Variants in CELF4 observed in about 807,000 individuals in gnomAD.
CELF4 encodes the protein CUGBP Elav-like family member 4.
A neutral mutation model predicts 59.9 loss-of-function variants in CELF4; 18 were observed. The observed-to-expected ratio is 0.30, with a 90% CI of 0.21 to 0.45. The LOEUF is 0.45. Among genes scored for constraint, CELF4 ranks in the 20% least tolerant of loss-of-function variants. CELF4 has a pLI of 1.00. For missense variants in CELF4, 456 were observed against 689.0 expected, an observed-to-expected ratio of 0.66 and a Z score of 3.79; for synonymous variants, 261 against 267.1, an observed-to-expected ratio of 0.98 and a Z score of 0.22.
chr18:37,458,209 C>A (rs985510464), intron 2 of CELF4, among the ~76,000 whole-genome samples: 5 of 152,188 alleles, frequency 3.3e-5, no homozygotes, highest in African/African-American at 1.2e-4. Context: ...GTCTCTGGAG[C>A]TCTTTTTCCC....
intron 2 of CELF4, among the ~76,000 whole-genome samples, chr18:37,434,795 C>A (rs1436232032): frequency 6.6e-6 from 1 of 152,128 alleles, no homozygotes; most frequent in East Asian, 1.9e-4. Context: ...CTGGTCTCCT[C>A]GCCAACTCCC....
chr18:37,509,463 C>T (rs909667562), intron 1 of CELF4, among the ~76,000 whole-genome samples: 5 of 152,146 alleles, frequency 3.3e-5, no homozygotes, highest in South Asian at 4.1e-4. Context: ...GCTTTGTCAT[C>T]GGTAATGAGA....
chr18:37,394,895 G>A (rs2099221788), intron 2 of CELF4, among the ~76,000 whole-genome samples: 1 of 151,670 alleles, frequency 6.6e-6, no homozygotes. Context: ...TCCCTGGCAG[G>A]CCTGTCTGGT....
At chr18:37,321,475 G>A (rs1390464423) in intron 3 of CELF4, among the ~76,000 whole-genome samples, 5 of 152,238 alleles carry the variant, frequency 3.3e-5, no homozygotes, top group African/African-American at 9.6e-5. Flanking sequence ...GCCCCATCAC[G>A]GTGGGGTTTT....
chr18:37,375,822 A>G (rs1410533382), intron 2 of CELF4, among the ~76,000 whole-genome samples: 1 of 151,906 alleles, frequency 6.6e-6, no homozygotes, highest in Non-Finnish European at 1.5e-5. Context: ...CCAAGCATCT[A>G]CTTCTAATGA....
At chr18:37,343,464 C>A (rs989436238) in intron 2 of CELF4, among the ~76,000 whole-genome samples, 1 of 151,756 alleles carries the variant, frequency 6.6e-6, no homozygotes, top group African/African-American at 2.4e-5. Context: ...CGCAGAGCTG[C>A]ATACAGCCAC....
In CELF4 at chr18:37,356,196, C is replaced by A. The variant is rs1359461534; in HGVS notation, c.370-34315G>T. On this transcript the variant is annotated intron_variant, in intron 2 of 12. Coordinates refer to ENST00000420428, the MANE Select transcript of CELF4 (RefSeq NM_020180.4). ...CAGAACCACCATGGGGCCATCAAAG[C>A]CACTTAGTTGAGTTTTTGCTTTTTA... Among the ~76,000 whole-genome samples, 3 of 152,202 alleles carry A rather than the reference C, an allele frequency of 2.0e-5. No individual in the cohort carries two copies. The East Asian group carries it at 5.8e-4, about 29-fold the overall frequency.
chr18:37,451,083 G>A (rs2099762250), intron 2 of CELF4, among the ~76,000 whole-genome samples: 1 of 152,218 alleles, frequency 6.6e-6, no homozygotes, highest in Non-Finnish European at 1.5e-5. Context: ...GTAGAGGGAA[G>A]GGCTGCAGAG....
rs115699252 is a variant in CELF4, at chr18:37,324,435, G to T, written c.370-2554C>A. Among the ~76,000 whole-genome samples, 1,102 of 152,282 alleles carry T rather than the reference G, an allele frequency of 7.2e-3. 19 individuals are homozygous for T. The highest frequency in any genetic ancestry group is 0.025 in the African/African-American group (1,034 of 41,564). The stretch of plus-strand genomic sequence containing the variant: ...CATAGGAGGACACAGCGAGAAGGCC[G>T]CCATCTTCAAGCCAGGAAGAGAGCC... On this transcript the variant is annotated intron_variant, in intron 2 of 12. Transcript: ENST00000420428.
At chr18:37,314,300 C>A (rs1056435859) in intron 3 of CELF4, among the ~76,000 whole-genome samples, 7 of 152,130 alleles carry the variant, frequency 4.6e-5, no homozygotes, top group African/African-American at 1.4e-4. Flanking sequence ...TACACACACA[C>A]AAAAATTTGC....
intron 3 of CELF4, among the ~76,000 whole-genome samples, chr18:37,291,998 C>T (rs1479602500): frequency 6.6e-6 from 1 of 151,170 alleles, no homozygotes; most frequent in Non-Finnish European, 1.5e-5. Flanking sequence ...ATTGGATCAT[C>T]AGGACAGAGC....
intron 12 of CELF4, among the ~76,000 whole-genome samples, chr18:37,251,734 GC>G (rs1276636026): frequency 2.0e-5 from 3 of 152,188 alleles, no homozygotes; most frequent in Non-Finnish European, 2.9e-5. Context: ...CTATGGAAAT[GC>G]CCCCATCTGC....
chr18:37,370,325 G>A lies in CELF4; in HGVS notation c.370-48444C>T, dbSNP rs77609579. 1.9e-3 allele frequency among the ~76,000 whole-genome samples: 284 copies of A among 152,230 alleles called. 2 individuals carry two copies. Among genetic ancestry groups the A allele is most frequent in the African/African-American group, 6.6e-3 (274 of 41,530 alleles). On this transcript the variant is annotated intron_variant, in intron 2 of 12. Transcript: ENST00000420428. Reference sequence around the variant, plus strand: ...TACTCATAGATCCATTCTACTGCTCGGAAATGGAGGGCTCCACTCTTCCCA... The same window carrying A: ...TACTCATAGATCCATTCTACTGCTCAGAAATGGAGGGCTCCACTCTTCCCA...
At chr18:37,331,491 G>A (rs117159677) in intron 2 of CELF4, among the ~76,000 whole-genome samples, 2 of 152,262 alleles carry the variant, frequency 1.3e-5, no homozygotes, top group East Asian at 1.9e-4. Flanking sequence ...ATGATATGGC[G>A]GGGATTCAGG....
intron 2 of CELF4, among the ~76,000 whole-genome samples, chr18:37,480,394 G>A (rs2099863187): frequency 6.6e-6 from 1 of 152,232 alleles, no homozygotes; most frequent in African/African-American, 2.4e-5. Flanking sequence ...ACTAGAAATT[G>A]TAAAACTACC....
At chr18:37,469,032 T>A (rs968489797) in intron 2 of CELF4, among the ~76,000 whole-genome samples, 5 of 152,120 alleles carry the variant, frequency 3.3e-5, no homozygotes, top group African/African-American at 1.2e-4. Flanking sequence ...AGCACTCAGT[T>A]CCAGACTCAG....
Position 37,270,755 on chromosome 18 carries a change from C to G in CELF4, c.1099+13G>C. On this transcript the variant is annotated intron_variant, in intron 8 of 12. Transcript: ENST00000420428. ...TGCTGCATACGGAAATAAGTGCTGACAGATGTGCTTACCTGGGTAGGGGTG... is the reference window on the plus strand; with the variant it reads ...TGCTGCATACGGAAATAAGTGCTGAGAGATGTGCTTACCTGGGTAGGGGTG... 4 of 1,613,818 alleles carry G rather than the reference C, an allele frequency of 2.5e-6. No homozygotes were observed. Among genetic ancestry groups the G allele is most frequent in the South Asian group, 2.2e-5 (2 of 91,054 alleles).
chr18:37,485,672 G>A, intron 1 of CELF4, 65 bp from the exon 2 acceptor site: 1 of 1,108,222 alleles, frequency 9.0e-7, no homozygotes, highest in Non-Finnish European at 1.2e-6. Flanking sequence ...GACGCGCCCT[G>A]CCGCCCGCCC....
At chr18:37,500,221 C>T (rs1052068342) in intron 1 of CELF4, among the ~76,000 whole-genome samples, 8 of 152,274 alleles carry the variant, frequency 5.3e-5, no homozygotes, top group South Asian at 2.1e-4. Flanking sequence ...CCTGGGTGGA[C>T]GGCAGGCGGC....
Sources: gnomAD v4.1 joint callset for allele counts (sites outside exome capture counted in the v4.1 genomes callset) on GRCh38, gnomAD v4.1.1 for gene constraint, MANE v1.5 for transcripts, NCBI Gene and HGNC (gene_info 2026-07-23, HGNC 2026-07-21) for gene names.